The following C12orf76 variants were observed in gnomAD, a reference collection of about 807,000 sequenced individuals.
The protein encoded by C12orf76 is uncharacterized protein C12orf76.
A neutral mutation model predicts 6.8 loss-of-function variants in C12orf76; 6 were observed. The observed-to-expected ratio is 0.88, with a 90% confidence interval of 0.48 to 1.73. C12orf76 has a LOEUF of 1.73. Ranked by LOEUF, C12orf76 falls within the 40% of genes most tolerant of loss-of-function variation. The pLI is 0.01. For missense variants in C12orf76, 99 were observed against 98.2 expected, an observed-to-expected ratio of 1.01 and a Z score of -0.03; for synonymous variants, 56 against 43.7, an observed-to-expected ratio of 1.28 and a Z score of -1.11.
chr12:110,073,611 G>A (rs570089189), exon 1 of C12orf76: 12 of 438,090 alleles, frequency 2.7e-5, no homozygotes, highest in Non-Finnish European at 4.5e-5. Flanking sequence ...GCCACAGCAA[G>A]CCCCCTCCCA....
At chr12:110,071,511 T>G (rs1892959569), upstream of C12orf76, among the ~76,000 whole-genome samples, 1 of 151,850 alleles carries the variant, frequency 6.6e-6, no homozygotes, top group Non-Finnish European at 1.5e-5. Context: ...CCTCATGCCT[T>G]TTTTTTTGTT....
upstream of C12orf76, among the ~76,000 whole-genome samples, chr12:110,072,383 T>C (rs1188566233): frequency 6.6e-6 from 1 of 152,048 alleles, no homozygotes; most frequent in Non-Finnish European, 1.5e-5. Flanking sequence ...TGTGAGTCCA[T>C]TTACATGAAA....
At chr12:110,062,049 A>G (rs568773512) in intron 2 of C12orf76, among the ~76,000 whole-genome samples, 3 of 152,044 alleles carry the variant, frequency 2.0e-5, no homozygotes. Context: ...GGATCATTTG[A>G]AGTCAGGAGT....
chr12:110,068,909 C>G (rs922848686), upstream of C12orf76, among the ~76,000 whole-genome samples: 2 of 152,228 alleles, frequency 1.3e-5, no homozygotes, highest in African/African-American at 4.8e-5. Flanking sequence ...ACCCGCTACA[C>G]AGATGGCTAA....
chr12:110,047,251 C>T (rs970106482), intron 1 of C12orf76, among the ~76,000 whole-genome samples: 1 of 152,008 alleles, frequency 6.6e-6, no homozygotes, highest in Non-Finnish European at 1.5e-5. Flanking sequence ...ATTTACGCAG[C>T]GTGTGTGTGT....
intron 2 of C12orf76, among the ~76,000 whole-genome samples, chr12:110,061,536 T>A (rs575872096): frequency 1.5e-5 from 2 of 137,408 alleles, no homozygotes; most frequent in South Asian, 4.6e-4. Flanking sequence ...CACTGCATAC[T>A]TTTTTTTTTT....
At chr12:110,064,299 G>A (rs912767472) in intron 2 of C12orf76, among the ~76,000 whole-genome samples, 5 of 152,202 alleles carry the variant, frequency 3.3e-5, no homozygotes, top group Middle Eastern at 3.2e-3. Flanking sequence ...GTCTCATACT[G>A]TGTCCTAGCT....
chr12:110,057,092 T>C, intron 4 of C12orf76: 1 of 794,978 alleles, frequency 1.3e-6, no homozygotes, highest in Non-Finnish European at 2.2e-6. Context: ...CTGCTTGTGC[T>C]GGACTCACCA....
intron 1 of C12orf76, among the ~76,000 whole-genome samples, chr12:110,048,153 A>T (rs539583091): frequency 4.2e-4 from 64 of 152,182 alleles, no homozygotes; most frequent in Non-Finnish European, 4.3e-4. Context: ...GCACATATTG[A>T]GCACTTGCTG....
upstream of C12orf76, among the ~76,000 whole-genome samples, chr12:110,072,497 T>G (rs180733904): frequency 7.6e-4 from 108 of 142,414 alleles, 1 homozygote; most frequent in Middle Eastern, 7.0e-3. Context: ...GTTTTTTTTG[T>G]TTTTTTTTTG....
upstream of C12orf76, among the ~76,000 whole-genome samples, chr12:110,051,578 C>G (rs781149177): frequency 6.6e-6 from 1 of 152,064 alleles, no homozygotes; most frequent in African/African-American, 2.4e-5. Context: ...AGGCGCACGC[C>G]ACCACACCAG....
At chr12:110,070,311 C>G (rs1052092041), upstream of C12orf76, among the ~76,000 whole-genome samples, 18 of 151,726 alleles carry the variant, frequency 1.2e-4, no homozygotes, top group African/African-American at 4.4e-4. Flanking sequence ...CACCTATAAT[C>G]CCAGCACTTT....
rs1892642791 is a variant in C12orf76, at chr12:110,054,858, A to G, written n.664+2331T>C. On this transcript the variant is annotated intron_variant and non_coding_transcript_variant, in intron 4 of 4. Transcript: ENST00000309050. The surrounding 1 kb of genome is among the most constrained non-coding windows in gnomAD (Gnocchi z 4.4). ...TTGCCGAGGCTGGAACGCAGTGGCT[A>G]TTTCACAGGTGCAGTCACAGCACAC... is the stretch of plus-strand genomic sequence containing the variant. 6.6e-6 allele frequency among the ~76,000 whole-genome samples: 1 copy of G among 152,186 alleles called. No homozygotes were observed. Among genetic ancestry groups the G allele is most frequent in the African/African-American group, 2.4e-5 (1 of 41,442 alleles).
intron 1 of C12orf76, among the ~76,000 whole-genome samples, chr12:110,043,033 T>C (rs988619022): frequency 1.3e-5 from 2 of 151,588 alleles, no homozygotes; most frequent in African/African-American, 2.4e-5. Context: ...TGAGCCGAGA[T>C]TGCGCCACTA....
upstream of C12orf76, among the ~76,000 whole-genome samples, chr12:110,070,546 CAT>C (rs947127277): frequency 2.6e-4 from 39 of 152,226 alleles, no homozygotes; most frequent in African/African-American, 9.1e-4. Flanking sequence ...AGCCTAGTGA[CAT>C]AGTGTGACCC....
exon 3 of C12orf76, chr12:110,058,994 C>T: frequency 6.5e-7 from 1 of 1,546,840 alleles, no homozygotes; most frequent in Non-Finnish European, 8.7e-7. Context: ...TTACCTCCAC[C>T]TAATAGCCGA....
rs1555253077 is a variant in C12orf76 at position 110,063,602 on chromosome 12, T to TTATA, written n.380+2257_380+2258insTATA. Among the ~76,000 whole-genome samples the TTATA allele has an allele frequency of 4.3e-5, 6 of 138,764 alleles. No individual in the cohort carries two copies. The East Asian group carries it at 8.5e-4, about 20-fold the overall frequency. The allele number at this position is 138,764 out of a possible 152,430, so 91.0% of individuals were successfully genotyped here. A position where few individuals can be genotyped will look rare whatever the true frequency, so the allele number is the denominator to read the frequency against. On this transcript the variant is annotated intron_variant and non_coding_transcript_variant, in intron 2 of 4. Coordinates refer to the C12orf76 transcript ENST00000309050. ...ACCACGCCTGGTGAGGGATTTTTAT[T>TTATA]TTTATTTATTTATTTATTTATTTAT...
intron 1 of C12orf76, among the ~76,000 whole-genome samples, chr12:110,066,533 C>T (rs1892866359): frequency 6.6e-6 from 1 of 151,714 alleles, no homozygotes; most frequent in African/African-American, 2.4e-5. Context: ...ACTAAAAATA[C>T]AAAATTAGTA....
At chr12:110,068,306 A>AGAG (rs1418974582), upstream of C12orf76, among the ~76,000 whole-genome samples, 1 of 145,986 alleles carries the variant, frequency 6.8e-6, no homozygotes, top group Non-Finnish European at 1.5e-5. Flanking sequence ...AAGAAGAAGA[A>AGAG]GAAGAAGAAG....
Sources: allele counts gnomAD v4.1 joint callset (sites outside exome capture counted in the v4.1 genomes callset), GRCh38; gene constraint gnomAD v4.1.1; non-coding constraint Gnocchi (gnomAD v3.1); transcripts MANE v1.5; gene names NCBI Gene and HGNC (gene_info 2026-07-23, HGNC 2026-07-21).